The following CATIP variants were observed in gnomAD, a reference collection of about 807,000 sequenced individuals.
CATIP encodes the protein ciliogenesis-associated TTC17-interacting protein.
Under a neutral mutation model 42.5 loss-of-function variants are expected in CATIP, and 40 were observed. The ratio of observed to expected loss-of-function variants is 0.94; its 90% CI spans 0.73 to 1.22. CATIP has a LOEUF of 1.22. Among genes scored for constraint, CATIP ranks in the 50% most tolerant of loss-of-function variants. The pLI is 0.00. For missense variants in CATIP, 489 were observed against 496.0 expected (o/e 0.99, Z 0.13); for synonymous variants, 222 against 200.2 (o/e 1.11, Z -0.92).
chr2:218,361,205 A>G (rs1217653105), intron 5 of CATIP, among the ~76,000 whole-genome samples: 1 of 152,036 alleles, frequency 6.6e-6, no homozygotes, highest in East Asian at 1.9e-4. Context: ...CTGGTTCACC[A>G]GACGTAAAAA....
At position 218,359,329 on chromosome 2, in the gene CATIP, G is replaced by A. The variant is rs1293883965; in HGVS notation, c.375+1237G>A. 4.0e-5 allele frequency among the ~76,000 whole-genome samples: 5 copies of A among 125,354 alleles called. No individual in the cohort carries two copies. The South Asian group carries it at 1.0e-3, about 26-fold the overall frequency. The allele number at this position is 125,354 out of a possible 152,430, so 82.2% of individuals were successfully genotyped here. A position where few individuals can be genotyped will look rare whatever the true frequency, so the allele number is the denominator to read the frequency against. ...TGCACTCCAGCCTGGGCAACAGAGC[G>A]AGACTCTGTCTCAAAAAAAAAAAAA... On this transcript the variant is annotated intron_variant, in intron 4 of 9. Coordinates refer to ENST00000289388, the MANE Select transcript of CATIP (RefSeq NM_198559.2).
chr2:218,366,942 C>A, intron 7 of CATIP, 82 bp from the exon 8 acceptor site: 1 of 1,066,028 alleles, frequency 9.4e-7, no homozygotes, highest in Non-Finnish European at 1.4e-6. Context: ...AATACCACCA[C>A]ACTGGGGGTT....
chr2:218,364,817 T>G (rs1695369893), intron 7 of CATIP, 65 bp downstream of exon 7: 1 of 1,554,206 alleles, frequency 6.4e-7, no homozygotes, highest in Admixed American at 1.8e-5. Context: ...GGAGACCGGC[T>G]GCTTCTGGGG....
At position 218,367,036 on chromosome 2, in the gene CATIP, G is replaced by C. The variant is rs1289073551; in HGVS notation, c.768G>C (p.Lys256Asn). 1.2e-6 allele frequency: 2 copies of C among 1,613,740 alleles called. No individual in the cohort carries two copies. Among genetic ancestry groups the C allele is most frequent in the Non-Finnish European group, 1.7e-6 (2 of 1,179,772 alleles). The change falls in exon 8 of 10, where the codon AAG (lysine) becomes AAC (asparagine). Residue 256 changes from lysine (K) to asparagine (N), a missense_variant. Lys to Asn is a moderately conservative substitution (Grantham distance 94). Coordinates refer to ENST00000289388, the MANE Select transcript of CATIP (RefSeq NM_198559.2). The stretch of plus-strand genomic sequence containing the variant: ...TGTTGCACTCCAGGCACCTGGCCAA[G>C]AGAATACAGGTGGGCTCCCCAGGGT... ...YYLLSDGHLA[K>N]RIQVGSPGCC... is the part of the protein sequence containing the mutation.
intron 6 of CATIP, among the ~76,000 whole-genome samples, chr2:218,363,356 G>T (rs1347344055): frequency 1.3e-5 from 2 of 151,716 alleles, no homozygotes; most frequent in Non-Finnish European, 2.9e-5. Context: ...CGTGGTGGCA[G>T]GCGCCTGTAG....
intron 6 of CATIP, among the ~76,000 whole-genome samples, chr2:218,363,585 T>A (rs956018142): frequency 6.6e-6 from 1 of 151,440 alleles, no homozygotes; most frequent in Non-Finnish European, 1.5e-5. Flanking sequence ...GGCAGATCAC[T>A]TGAAGTTAGG....
At chr2:218,363,501 A>C (rs941382895) in intron 6 of CATIP, among the ~76,000 whole-genome samples, 11 of 140,624 alleles carry the variant, frequency 7.8e-5, no homozygotes, top group African/African-American at 1.6e-4. Context: ...AAAAAAACAA[A>C]AAAAAAAAAA....
rs200402371 is a variant in CATIP at position 218,367,126 on chromosome 2, G to C, written c.832+26G>C. ...GTGAGTGAAGCCCAGGCCTTGTGCA[G>C]GCAGGGAGAGTTAAGGGGAGTGGGG... On this transcript the variant is annotated intron_variant, in intron 8 of 9. Transcript: ENST00000289388. The C allele has an allele frequency of 5.7e-6, 9 of 1,578,384 alleles. No homozygotes were observed. In the East Asian group the frequency reaches 1.8e-4, roughly 31 times the overall value.
intron 6 of CATIP, among the ~76,000 whole-genome samples, chr2:218,363,343 G>A (rs1022663878): frequency 4.0e-5 from 6 of 151,654 alleles, no homozygotes; most frequent in African/African-American, 1.5e-4. Flanking sequence ...AAAATCAGCG[G>A]GGCGTGGTGG....
At chr2:218,361,276 A>G (rs1695225613) in intron 5 of CATIP, among the ~76,000 whole-genome samples, 1 of 151,828 alleles carries the variant, frequency 6.6e-6, no homozygotes, top group African/African-American at 2.4e-5. Context: ...CGGGAGGGTG[A>G]GGCAGGAGAA....
At chr2:218,363,741 G>A (rs145820264) in intron 6 of CATIP, among the ~76,000 whole-genome samples, 31 of 150,380 alleles carry the variant, frequency 2.1e-4, no homozygotes, top group African/African-American at 7.1e-4. Context: ...CCCAGGAGGC[G>A]GAGGTTGCAG....
In CATIP at chr2:218,362,835, G is replaced by T. The variant is rs201618489; in HGVS notation, c.563G>T (p.Arg188Leu). The T allele has an allele frequency of 6.2e-7, 1 of 1,614,072 alleles. No homozygotes were observed. Among genetic ancestry groups the T allele is most frequent in the Non-Finnish European group, 8.5e-7 (1 of 1,180,030 alleles). ...CTGCTCAGGGTGATGGCCTGGCGGC[G>T]GATGGTGCCCAGCAATGCCCGCTTC... The part of the protein sequence containing the change: ...LVLLRVMAWR[R>L]MVPSNARFLT... Residue 188 changes from arginine to leucine, a missense_variant, in exon 6 of 10, where the codon CGG becomes CTG. Coordinates refer to ENST00000289388, the MANE Select transcript of CATIP (RefSeq NM_198559.2).
At chr2:218,367,541 T>G (rs557041067) in intron 9 of CATIP, 23 bp downstream of exon 9, 2 of 1,612,482 alleles carry the variant, frequency 1.2e-6, no homozygotes, top group Non-Finnish European at 1.7e-6. Context: ...TCCACCAGCC[T>G]GGGGTTCCCA....
At position 218,362,752 on chromosome 2, in the gene CATIP, G is replaced by C. The variant is rs140310382; in HGVS notation, c.480G>C (p.Val160=). ...CTGAACAGGAAGTGAAGACTGGAGT[G>C]ACTTCTTTCCCCTGGAGCTCAATCA... The part of the protein sequence containing the change: ...IKEGEEVKTG[V]TSFPWSSIKG... Residue 160 remains valine (V), a synonymous_variant, in exon 6 of 10, where the codon GTG becomes GTC. Coordinates refer to ENST00000289388, the MANE Select transcript of CATIP (RefSeq NM_198559.2). 439 of 1,614,120 alleles carry C rather than the reference G, an allele frequency of 2.7e-4. No individual in the cohort carries two copies. In the African/African-American group the frequency reaches 5.2e-3, roughly 19 times the overall value.
chr2:218,362,585 C>G, intron 5 of CATIP, 150 bp from the exon 6 acceptor site: 1 of 650,170 alleles, frequency 1.5e-6, no homozygotes, highest in Non-Finnish European at 2.6e-6. Flanking sequence ...TGAGCTGAGA[C>G]CACGCCATTG....
chr2:218,356,919 G>T lies in CATIP; in HGVS notation c.25+10G>T. 1 of 1,613,874 alleles carries T rather than the reference G, an allele frequency of 6.2e-7. No homozygotes were observed. The highest frequency in any genetic ancestry group is 8.5e-7 in the Non-Finnish European group (1 of 1,179,890). ...AAGGTTTACTCCACAGGTGGGAAGA[G>T]GACTGCTGGGGCTGGAGGCGGGGAT... On this transcript the variant is annotated intron_variant, in intron 1 of 9. Coordinates refer to ENST00000289388, the MANE Select transcript of CATIP (RefSeq NM_198559.2).
rs774612968 is a variant in CATIP, at chr2:218,367,876, C to T, written c.1076C>T (p.Pro359Leu). 1 of 1,612,806 alleles carries T rather than the reference C, an allele frequency of 6.2e-7. No individual in the cohort carries two copies. The highest frequency in any genetic ancestry group is 2.2e-5 in the East Asian group (1 of 44,882). The change falls in exon 10 of 10, where the codon CCG becomes CTG. Residue 359 changes from proline to leucine, a missense_variant. Pro to Leu is a moderately conservative substitution (Grantham distance 98, BLOSUM62 -3). Coordinates refer to ENST00000289388, the MANE Select transcript of CATIP (RefSeq NM_198559.2). Reference protein sequence around the residue: ...EFFGPFDPWRPSSPALGSSHR... With the variant: ...EFFGPFDPWRLSSPALGSSHR... ...TTCGGCCCCTTCGACCCGTGGCGTCCGTCGTCACCGGCCTTGGGCTCCTCC... is the reference window on the plus strand; with the variant it reads ...TTCGGCCCCTTCGACCCGTGGCGTCTGTCGTCACCGGCCTTGGGCTCCTCC...
rs141164440 is a variant in CATIP, at chr2:218,367,894, G to A, written c.1094G>A (p.Gly365Asp). 3.3e-5 allele frequency: 53 copies of A among 1,612,248 alleles called. 2 individuals carry two copies. Among genetic ancestry groups the A allele is most frequent in the South Asian group, 2.6e-4 (24 of 91,038 alleles). ...DPWRPSSPAL[G>D]SSHRPNPFRS... ...TGGCGTCCGTCGTCACCGGCCTTGG[G>A]CTCCTCCCACCGGCCCAACCCTTTC... Residue 365 changes from glycine (G) to aspartate (D), a missense_variant, in exon 10 of 10, where the codon GGC becomes GAC. Transcript: ENST00000289388.
intron 7 of CATIP, 44 bp downstream of exon 7, chr2:218,364,796 T>C (rs1227674736): frequency 1.3e-6 from 2 of 1,587,516 alleles, no homozygotes; most frequent in East Asian, 2.3e-5. Context: ...GCTGAGCTTG[T>C]AGGTGCTCAA....
Sources: gnomAD v4.1 joint callset for allele counts (sites outside exome capture counted in the v4.1 genomes callset) on GRCh38, gnomAD v4.1.1 for gene constraint, MANE v1.5 for transcripts, NCBI Gene and HGNC (gene_info 2026-07-23, HGNC 2026-07-21) for gene names.